Variants in TEAD1 observed in about 807,000 individuals in gnomAD.
The protein encoded by TEAD1 is transcriptional enhancer factor TEF-1.
Under a neutral mutation model 54.9 loss-of-function variants are expected in TEAD1, and 9 were observed. That is an observed-to-expected ratio of 0.16 (90% CI 0.10 to 0.29). The LOEUF is 0.29. Ranked by LOEUF, TEAD1 falls within the 10% of genes least tolerant of loss-of-function variation. The pLI is 1.00. For missense variants in TEAD1, 387 were observed against 535.9 expected (o/e 0.72, Z 2.74); for synonymous variants, 200 against 187.8 (o/e 1.07, Z -0.53).
At chr11:12,837,896 G>C (rs1361918168) in intron 3 of TEAD1, among the ~76,000 whole-genome samples, 1 of 149,662 alleles carries the variant, frequency 6.7e-6, no homozygotes, top group Non-Finnish European at 1.5e-5. Context: ...TCTGCCTCCA[G>C]AGTTCAAGCG....
intron 9 of TEAD1, among the ~76,000 whole-genome samples, chr11:12,886,641 A>T (rs1456115048): frequency 6.6e-6 from 1 of 152,106 alleles, no homozygotes. Flanking sequence ...CTTATGTGGA[A>T]TAATGGTCCT....
chr11:12,918,423 G>A (rs1948751692), intron 10 of TEAD1, among the ~76,000 whole-genome samples: 1 of 151,746 alleles, frequency 6.6e-6, no homozygotes, highest in East Asian at 1.9e-4. Context: ...TGATATGGTT[G>A]GATAGCTACA....
intron 3 of TEAD1, among the ~76,000 whole-genome samples, chr11:12,775,177 G>A (rs1332036417): frequency 6.6e-6 from 1 of 152,178 alleles, no homozygotes. Flanking sequence ...GTGGTTAAGG[G>A]AGAAATTGAG....
chr11:12,766,285 T>C (rs1459779672), intron 3 of TEAD1, among the ~76,000 whole-genome samples: 1 of 152,238 alleles, frequency 6.6e-6, no homozygotes, highest in Admixed American at 6.5e-5. Context: ...TTTTAGTTTA[T>C]AGACAGCAGC....
At chr11:12,917,214 G>A (rs967720099) in intron 10 of TEAD1, among the ~76,000 whole-genome samples, 2 of 152,182 alleles carry the variant, frequency 1.3e-5, no homozygotes, top group African/African-American at 4.8e-5. Flanking sequence ...GGCAATGTGA[G>A]AAGGATTCGG....
At position 12,937,248 on chromosome 11, in the gene TEAD1, T is replaced by G; in HGVS notation, c.*26T>G. The G allele has an allele frequency of 2.0e-6, 3 of 1,478,136 alleles. No individual in the cohort carries two copies. Among genetic ancestry groups the G allele is most frequent in the Non-Finnish European group, 2.8e-6 (3 of 1,060,100 alleles). The allele number at this position is 1,478,136 out of a possible 1,614,324, so 91.6% of individuals were successfully genotyped here. On this transcript the variant is annotated 3_prime_UTR_variant, in exon 13 of 13. Transcript: ENST00000527636. Reference sequence around the variant, plus strand: ...ACATGGTTATTTATATATATAGATATCTGTATATACACACACACATATGTG... The same window carrying G: ...ACATGGTTATTTATATATATAGATAGCTGTATATACACACACACATATGTG...
At chr11:12,887,580 T>C (rs150291806) in intron 9 of TEAD1, among the ~76,000 whole-genome samples, 2 of 152,348 alleles carry the variant, frequency 1.3e-5, no homozygotes, top group African/African-American at 4.8e-5. Flanking sequence ...TGTGCTTTAT[T>C]GGACAAACAC....
intron 9 of TEAD1, among the ~76,000 whole-genome samples, chr11:12,890,490 G>A (rs1948176482): frequency 1.3e-5 from 2 of 152,150 alleles, no homozygotes. Flanking sequence ...AGAATTCTTA[G>A]CAGCTGTTTG....
intron 9 of TEAD1, among the ~76,000 whole-genome samples, chr11:12,899,648 T>C (rs1028329205): frequency 2.6e-5 from 4 of 152,330 alleles, no homozygotes; most frequent in Admixed American, 6.5e-5. Context: ...AATTTCTTCC[T>C]TCTGAGGCAG....
intron 2 of TEAD1, among the ~76,000 whole-genome samples, chr11:12,702,576 G>C (rs550118087): frequency 3.1e-4 from 47 of 152,292 alleles, no homozygotes; most frequent in Non-Finnish European, 4.0e-4. Context: ...TCTTCACTGA[G>C]TGCTTTTGTG....
At chr11:12,883,380 G>A (rs894655382) in intron 9 of TEAD1, among the ~76,000 whole-genome samples, 7 of 152,196 alleles carry the variant, frequency 4.6e-5, no homozygotes, top group African/African-American at 1.4e-4. Flanking sequence ...ACTTGAGTCA[G>A]AGAGAGGGAC....
At chr11:12,920,302 C>A (rs1948780464) in intron 10 of TEAD1, among the ~76,000 whole-genome samples, 2 of 152,148 alleles carry the variant, frequency 1.3e-5, no homozygotes, top group Non-Finnish European at 2.9e-5. Context: ...ATTTTACTAA[C>A]ATCATGATGA....
intron 5 of TEAD1, among the ~76,000 whole-genome samples, chr11:12,872,436 C>G (rs1344570439): frequency 6.6e-6 from 1 of 152,150 alleles, no homozygotes; most frequent in African/African-American, 2.4e-5. Context: ...AGGGGGAGTT[C>G]TTTTGCATTT....
At chr11:12,924,719 AGAG>A (rs1948877916) in intron 10 of TEAD1, among the ~76,000 whole-genome samples, 190 bp from the exon 11 acceptor site, 1 of 152,204 alleles carries the variant, frequency 6.6e-6, no homozygotes. Context: ...TCATTTCAAG[AGAG>A]GACTGCCCAA....
At chr11:12,853,926 TC>T (rs1947322841) in intron 3 of TEAD1, among the ~76,000 whole-genome samples, 1 of 152,210 alleles carries the variant, frequency 6.6e-6, no homozygotes, top group South Asian at 2.1e-4. Context: ...CTCTGTATGT[TC>T]TTTCTCTGAA....
Position 12,707,046 on chromosome 11 carries a change from C to G in TEAD1, c.-55+31485C>G, listed in dbSNP as rs112977388. On this transcript the variant is annotated intron_variant, in intron 2 of 12. Transcript: ENST00000527636. ...GAGAAGAGTTCCAGTTTGTAAAACT[C>G]TCTCCAAATTGATGGCCAGTTGGAG... Among the ~76,000 whole-genome samples, 298 of 150,588 alleles carry G rather than the reference C, an allele frequency of 2.0e-3. 1 individual carries two copies. Among genetic ancestry groups the G allele is most frequent in the African/African-American group, 6.5e-3 (265 of 40,920 alleles).
At chr11:12,844,928 T>C (rs1947109883) in intron 3 of TEAD1, among the ~76,000 whole-genome samples, 1 of 148,732 alleles carries the variant, frequency 6.7e-6, no homozygotes, top group East Asian at 2.1e-4. Flanking sequence ...GGCTTTCTCC[T>C]GGTTCCTGCC....
chr11:12,831,964 A>G (rs982138059), intron 3 of TEAD1, among the ~76,000 whole-genome samples: 1 of 152,232 alleles, frequency 6.6e-6, no homozygotes, highest in Admixed American at 6.5e-5. Context: ...ACAGGTATTA[A>G]GAGGTAGGAA....
At chr11:12,877,246 C>T (rs369203433) in intron 5 of TEAD1, among the ~76,000 whole-genome samples, 36 of 152,298 alleles carry the variant, frequency 2.4e-4, no homozygotes, top group Non-Finnish European at 2.5e-4. Context: ...GAGTGTCACT[C>T]GGCCACGGGA....
Sources: allele counts gnomAD v4.1 joint callset (sites outside exome capture counted in the v4.1 genomes callset), GRCh38; gene constraint gnomAD v4.1.1; transcripts MANE v1.5; gene names NCBI Gene and HGNC (gene_info 2026-07-23, HGNC 2026-07-21).